Variants in STOML3 observed in about 807,000 individuals in gnomAD.
STOML3 encodes the protein stomatin like 3.
In STOML3, 31 loss-of-function variants were observed where a neutral mutation model predicts 29.5. That is an observed-to-expected ratio of 1.05 (90% CI 0.79 to 1.42). The LOEUF (loss-of-function observed/expected upper bound fraction) is 1.42, where lower values mean the gene tolerates loss of function less well. Ranked by LOEUF, STOML3 falls within the 40% of genes most tolerant of loss-of-function variation. STOML3 has a pLI of 0.00. For synonymous variants in STOML3, 122 were observed against 139.8 expected, an observed-to-expected ratio of 0.87 and a Z score of 0.90; for missense variants, 380 against 363.0, an observed-to-expected ratio of 1.05 and a Z score of -0.38.
intron 1 of STOML3, among the ~76,000 whole-genome samples, chr13:38,984,008 C>A (rs1425720276): frequency 3.9e-5 from 6 of 152,092 alleles, no homozygotes; most frequent in Non-Finnish European, 5.9e-5. Flanking sequence ...CTTCTTCAGG[C>A]CCTGGAGGCA....
intron 1 of STOML3, 56 bp from the exon 2 acceptor site, chr13:38,976,853 C>T: frequency 1.4e-6 from 2 of 1,465,054 alleles, no homozygotes; most frequent in Admixed American, 3.8e-5. Flanking sequence ...AAAAAGCCAC[C>T]CAGCTGCATG....
At position 38,966,881 on chromosome 13, in the gene STOML3, C is replaced by G. The variant is rs200218113; in HGVS notation, c.820G>C (p.Glu274Gln). The G allele has an allele frequency of 5.0e-6, 8 of 1,613,818 alleles. No individual in the cohort carries two copies. The East Asian group carries it at 1.8e-4, about 36-fold the overall frequency. Residue 274 changes from glutamate (E) to glutamine (Q), a missense_variant, in exon 7 of 7, where the codon GAG becomes CAG. Coordinates refer to ENST00000379631, the MANE Select transcript of STOML3 (RefSeq NM_145286.3). ...IVFPLPMNIL[E>Q]GIGGVSYDNH... ...TCATAGCTGACGCCACCAATGCCCTCTAGTATATTCATGGGCAGAGGAAAC... is the reference window on the plus strand; with the variant it reads ...TCATAGCTGACGCCACCAATGCCCTGTAGTATATTCATGGGCAGAGGAAAC...
intron 5 of STOML3, among the ~76,000 whole-genome samples, chr13:38,969,301 A>G (rs1441654218): frequency 6.6e-6 from 1 of 152,178 alleles, no homozygotes; most frequent in Non-Finnish European, 1.5e-5. Flanking sequence ...TCAAAAGGAT[A>G]GCTCCCCTAA....
intron 1 of STOML3, among the ~76,000 whole-genome samples, chr13:38,977,908 C>T (rs1027922323): frequency 1.1e-4 from 17 of 150,144 alleles, no homozygotes; most frequent in African/African-American, 3.4e-4. Context: ...TACAGGCTCC[C>T]GCCACCACAC....
At chr13:38,972,645 A>G in intron 3 of STOML3, 51 bp from the exon 4 acceptor site, 1 of 1,529,562 alleles carries the variant, frequency 6.5e-7, no homozygotes, top group Non-Finnish European at 9.0e-7. Context: ...AAATAACTAC[A>G]AGTAGTCTCA....
intron 3 of STOML3, among the ~76,000 whole-genome samples, 192 bp from the exon 4 acceptor site, chr13:38,972,786 G>A (rs1282044748): frequency 4.6e-5 from 7 of 152,240 alleles, no homozygotes; most frequent in South Asian, 2.1e-4. Context: ...AATTGCCTGC[G>A]AAGTGAAGTC....
chr13:38,988,250 T>A (rs1295655947), intron 1 of STOML3, among the ~76,000 whole-genome samples: 1,074 of 84,392 alleles, frequency 0.013, 85 homozygotes, highest in African/African-American at 0.031. Context: ...ATATAATATA[T>A]TATATTTTAT....
At chr13:38,979,897 T>C (rs1199993619) in intron 1 of STOML3, among the ~76,000 whole-genome samples, 2 of 152,194 alleles carry the variant, frequency 1.3e-5, no homozygotes, top group Non-Finnish European at 2.9e-5. Flanking sequence ...TCTGGGGCTA[T>C]GACTAGCAGC....
At chr13:38,985,464 A>C (rs1474994931) in intron 1 of STOML3, among the ~76,000 whole-genome samples, 1 of 152,128 alleles carries the variant, frequency 6.6e-6, no homozygotes, top group Non-Finnish European at 1.5e-5. Flanking sequence ...GCAAATAAAG[A>C]AAAAATGTTT....
intron 1 of STOML3, among the ~76,000 whole-genome samples, chr13:38,988,879 ATT>A (rs950080646): frequency 2.1e-5 from 3 of 142,316 alleles, no homozygotes; most frequent in Admixed American, 1.5e-4. Flanking sequence ...TATAATATAT[ATT>A]ATTACATATT....
At chr13:38,983,126 A>G (rs1881324504) in intron 1 of STOML3, among the ~76,000 whole-genome samples, 1 of 152,176 alleles carries the variant, frequency 6.6e-6, no homozygotes, top group Admixed American at 6.5e-5. Flanking sequence ...AGAAAGGCAT[A>G]AACTTTGACA....
chr13:38,966,024 G>A lies in STOML3; in HGVS notation c.*801C>T, dbSNP rs564412643. 11 of 152,314 alleles carry A rather than the reference G, an allele frequency of 7.2e-5. No individual in the cohort carries two copies. The highest frequency in any genetic ancestry group is 3.4e-3 in the Middle Eastern group (1 of 294). The allele number at this position is 152,314 out of a possible 1,614,324, so 9.4% of individuals were successfully genotyped here. ...GTGGATAGAGTTCACAAACATTCTC[G>A]ATTACCTGTGGCTCCTGGGACTAAG... On this transcript the variant is annotated 3_prime_UTR_variant, in exon 7 of 7. Transcript: ENST00000379631.
intron 4 of STOML3, among the ~76,000 whole-genome samples, chr13:38,971,313 G>A (rs1011934083): frequency 3.3e-5 from 5 of 152,150 alleles, no homozygotes; most frequent in East Asian, 1.9e-4. Context: ...GATTACAGGC[G>A]TGAGCCACCA....
At chr13:38,980,719 C>T (rs1204509184) in intron 1 of STOML3, among the ~76,000 whole-genome samples, 1 of 152,164 alleles carries the variant, frequency 6.6e-6, no homozygotes, top group African/African-American at 2.4e-5. Flanking sequence ...AACAAATTGC[C>T]CTTGGTTTCA....
At chr13:38,985,103 C>T (rs1158997217) in intron 1 of STOML3, among the ~76,000 whole-genome samples, 1 of 152,148 alleles carries the variant, frequency 6.6e-6, no homozygotes, top group Non-Finnish European at 1.5e-5. Flanking sequence ...TTCCGCCTGA[C>T]TGTACCCTCA....
chr13:38,987,309 G>A (rs138412618), intron 1 of STOML3, among the ~76,000 whole-genome samples: 2 of 152,026 alleles, frequency 1.3e-5, no homozygotes, highest in African/African-American at 4.8e-5. Context: ...GATCACTTGA[G>A]CCCAAAAGTT....
chr13:38,978,068 T>G (rs1747561042), intron 1 of STOML3, among the ~76,000 whole-genome samples: 1 of 151,826 alleles, frequency 6.6e-6, no homozygotes, highest in African/African-American at 2.4e-5. Context: ...CCAGGGATCC[T>G]TGTTTGTAAA....
At chr13:38,987,715 ATT>A (rs949295693) in intron 1 of STOML3, among the ~76,000 whole-genome samples, 10 of 132,840 alleles carry the variant, frequency 7.5e-5, no homozygotes, top group Non-Finnish European at 1.5e-4. Context: ...TATTATATAT[ATT>A]AATTCATATA....
chr13:38,976,827 A>T (rs1881098910), intron 1 of STOML3, 30 bp from the exon 2 acceptor site: 3 of 1,586,848 alleles, frequency 1.9e-6, no homozygotes, highest in Non-Finnish European at 1.7e-6. Context: ...CAAATATGTG[A>T]TCAATGTGGT....
Sources: gnomAD v4.1 joint callset for allele counts (sites outside exome capture counted in the v4.1 genomes callset) on GRCh38, gnomAD v4.1.1 for gene constraint, MANE v1.5 for transcripts, NCBI Gene and HGNC (gene_info 2026-07-23, HGNC 2026-07-21) for gene names.